FBXW10B: variants seen among roughly 807,000 people sequenced by gnomAD.
FBXW10B encodes F-box and WD repeat domain containing 10B, also known as F-box and WD repeat domain containing protein 10B.
the FBXW10B span, chr17:15,593,574 G>C: frequency 2.5e-6 from 4 of 1,570,352 alleles, no homozygotes; most frequent in East Asian, 9.1e-5. Context: ...GGAGCATTTT[G>C]TGTGTGATTG....
At chr17:15,590,566 C>G in the FBXW10B span, among the ~76,000 whole-genome samples, 1 of 148,730 alleles carries the variant, frequency 6.7e-6, no homozygotes, top group East Asian at 2.0e-4. Context: ...CAGAGCACAC[C>G]TGCACACCAC....
chr17:15,591,250 A>G, the FBXW10B span, among the ~76,000 whole-genome samples: 1 of 152,166 alleles, frequency 6.6e-6, no homozygotes, highest in Non-Finnish European at 1.5e-5. Flanking sequence ...TTGTTTAAGG[A>G]TAGTCTGGAT....
the FBXW10B span, among the ~76,000 whole-genome samples, chr17:15,602,441 T>C: frequency 1.3e-5 from 2 of 152,040 alleles, no homozygotes; most frequent in Non-Finnish European, 2.9e-5. Context: ...CAAGGTTGAA[T>C]TGCAAATAGA....
chr17:15,602,111 T>TAAAA, the FBXW10B span, among the ~76,000 whole-genome samples: 40 of 131,480 alleles, frequency 3.0e-4, no homozygotes, highest in African/African-American at 9.9e-4. Context: ...GACTCCGTCT[T>TAAAA]AAAAAAAAAA....
chr17:15,615,822 A>C, the FBXW10B span: 2 of 1,613,834 alleles, frequency 1.2e-6, no homozygotes, highest in South Asian at 2.2e-5. Flanking sequence ...GAAACACAGA[A>C]GACCAAGACA....
the FBXW10B span, among the ~76,000 whole-genome samples, chr17:15,609,860 T>TTTC: frequency 1.4e-4 from 19 of 137,460 alleles, no homozygotes; most frequent in African/African-American, 4.8e-4. Flanking sequence ...TTCTTTTTTT[T>TTTC]TTTTTTTTTT....
chr17:15,586,235 T>C, the FBXW10B span, among the ~76,000 whole-genome samples: 2 of 151,724 alleles, frequency 1.3e-5, no homozygotes, highest in Admixed American at 6.6e-5. Context: ...TTTGCAGCTG[T>C]GGACTTTAAT....
chr17:15,613,059 G>A, the FBXW10B span, among the ~76,000 whole-genome samples: 90 of 151,874 alleles, frequency 5.9e-4, no homozygotes, highest in Non-Finnish European at 1.2e-3. Context: ...TCAGACTGTC[G>A]CCAGCCTCAC....
chr17:15,581,322 CA>C, the FBXW10B span, among the ~76,000 whole-genome samples: 1 of 152,186 alleles, frequency 6.6e-6, no homozygotes, highest in Non-Finnish European at 1.5e-5. Flanking sequence ...AAAATCCCAA[CA>C]GATGGAATAG....
the FBXW10B span, among the ~76,000 whole-genome samples, chr17:15,602,777 G>A: frequency 1.6e-5 from 2 of 121,612 alleles, no homozygotes; most frequent in Non-Finnish European, 3.3e-5. Flanking sequence ...ACAGGCGCCC[G>A]CCACCTCGCC....
At chr17:15,597,217 T>C in the FBXW10B span, among the ~76,000 whole-genome samples, 1 of 150,498 alleles carries the variant, frequency 6.6e-6, no homozygotes, top group Non-Finnish European at 1.5e-5. Flanking sequence ...TATGGAGAAA[T>C]GGTCACAGCT....
At chr17:15,606,559 G>T in the FBXW10B span, among the ~76,000 whole-genome samples, 1 of 147,916 alleles carries the variant, frequency 6.8e-6, no homozygotes, top group Non-Finnish European at 1.5e-5. Context: ...GGTGATAATT[G>T]TTCTTTAAAC....
the FBXW10B span, among the ~76,000 whole-genome samples, chr17:15,601,270 G>A: frequency 2.2e-3 from 332 of 149,216 alleles, 1 homozygote; most frequent in African/African-American, 7.7e-3. Flanking sequence ...TTAGCCAGGC[G>A]TGGTGGTGGG....
chr17:15,602,563 C>A, the FBXW10B span, among the ~76,000 whole-genome samples: 1 of 145,044 alleles, frequency 6.9e-6, no homozygotes, highest in East Asian at 2.0e-4. Flanking sequence ...AAAAAAAAAA[C>A]CCTGATAAAC....
the FBXW10B span, among the ~76,000 whole-genome samples, chr17:15,612,083 G>C: frequency 2.0e-5 from 3 of 152,154 alleles, no homozygotes; most frequent in African/African-American, 7.2e-5. Flanking sequence ...CCTGGCCTCT[G>C]AACTTGCCAC....
the FBXW10B span, chr17:15,619,205 T>C: frequency 6.2e-7 from 1 of 1,614,036 alleles, no homozygotes; most frequent in African/African-American, 1.3e-5. Context: ...CAAGGAGGAC[T>C]TCACAACTTT....
At chr17:15,613,677 G>C in the FBXW10B span, 2 of 1,602,050 alleles carry the variant, frequency 1.2e-6, no homozygotes, top group African/African-American at 1.4e-5. Flanking sequence ...TTGACCTGTT[G>C]AGCCATGGCG....
chr17:15,598,012 AG>A, the FBXW10B span, among the ~76,000 whole-genome samples: 1 of 152,218 alleles, frequency 6.6e-6, no homozygotes, highest in Non-Finnish European at 1.5e-5. Flanking sequence ...CATTTCTGCT[AG>A]GTTAGCCCTA....
the FBXW10B span, chr17:15,595,068 G>A: frequency 1.0e-4 from 48 of 463,296 alleles, no homozygotes; most frequent in African/African-American, 8.6e-4. Flanking sequence ...GAGGCCGGGC[G>A]CGGTGGCTCA....
Sources: gnomAD v4.1 joint callset for allele counts (sites outside exome capture counted in the v4.1 genomes callset) on GRCh38, gnomAD v4.1.1 for gene constraint, MANE v1.5 for transcripts, NCBI Gene and HGNC (gene_info 2026-07-23, HGNC 2026-07-21) for gene names.